Variants in MBD5 observed in about 807,000 individuals in gnomAD.
MBD5 encodes the protein methyl-CpG binding domain protein 5, also known as methyl-CpG-binding domain protein 5.
A neutral mutation model predicts 117.3 loss-of-function variants in MBD5; 13 were observed. The observed-to-expected ratio is 0.11, with a 90% confidence interval of 0.07 to 0.18. MBD5 has a LOEUF of 0.18. MBD5 is among the 10% of genes least tolerant of loss of function. The probability of loss-of-function intolerance (pLI) is 1.00; values close to 1 mark genes in which losing one functional copy is unlikely to be tolerated. For synonymous variants in MBD5, 727 were observed against 766.4 expected (o/e 0.95, Z 0.85); for missense variants, 1,879 against 2,093.8 (o/e 0.90, Z 2.00).
chr2:148,459,919 G>A (rs190943918), intron 5 of MBD5, among the ~76,000 whole-genome samples: 1 of 152,186 alleles, frequency 6.6e-6, no homozygotes, highest in African/African-American at 2.4e-5. Context: ...TAATATTAAA[G>A]ATGTGATCCA....
intron 1 of MBD5, among the ~76,000 whole-genome samples, chr2:148,107,134 C>G (rs1696391999): frequency 6.6e-6 from 1 of 152,044 alleles, no homozygotes; most frequent in African/African-American, 2.4e-5. Flanking sequence ...TCCAAATGAC[C>G]TTATTTCACT....
chr2:148,071,699 T>C (rs1260053187), intron 1 of MBD5: 1 of 152,218 alleles, frequency 6.6e-6, no homozygotes, highest in African/African-American at 2.4e-5. Context: ...TCTTAAGTTT[T>C]CTCCGGCTTC....
intron 1 of MBD5, among the ~76,000 whole-genome samples, chr2:148,151,900 A>T (rs1697682942): frequency 3.9e-5 from 6 of 151,950 alleles, no homozygotes; most frequent in Admixed American, 3.9e-4. Context: ...CAGCTCCTGG[A>T]TTCATTAATT....
intron 2 of MBD5, among the ~76,000 whole-genome samples, chr2:148,194,662 A>T (rs1413830794): frequency 1.6e-5 from 2 of 124,342 alleles, no homozygotes; most frequent in African/African-American, 5.5e-5. Context: ...CTAATGCTAG[A>T]TGACACGTTA....
rs1261912121 is a variant in MBD5, at chr2:148,031,169, TA to T, written c.-925+9486del. ...AAATACAGATAGTATAATCATGTAA[TA>T]TTTTTGTAATGTTTTCTATAATCAG... On this transcript the variant is annotated intron_variant, in intron 1 of 13. Coordinates refer to ENST00000642680, the MANE Select transcript of MBD5 (RefSeq NM_001378120.1). 3.3e-5 allele frequency among the ~76,000 whole-genome samples: 5 copies of T among 152,332 alleles called. No individual in the cohort carries two copies. In the East Asian group the frequency reaches 9.6e-4, roughly 29 times the overall value.
At chr2:148,487,049 G>A (rs1329928003) in intron 10 of MBD5, among the ~76,000 whole-genome samples, 1 of 152,156 alleles carries the variant, frequency 6.6e-6, no homozygotes, top group Non-Finnish European at 1.5e-5. Context: ...CATCAGTAGG[G>A]AAATAGTTAA....
chr2:148,240,040 G>A (rs1046842908), intron 3 of MBD5, among the ~76,000 whole-genome samples: 1 of 152,126 alleles, frequency 6.6e-6, no homozygotes, highest in Admixed American at 6.5e-5. Flanking sequence ...TGATAGACTG[G>A]ATTAAGAAAA....
chr2:148,401,655 C>T (rs1660811592), intron 4 of MBD5, among the ~76,000 whole-genome samples: 1 of 152,068 alleles, frequency 6.6e-6, no homozygotes, highest in South Asian at 2.1e-4. Context: ...CCTATATACC[C>T]TTTAAACCCT....
chr2:148,413,592 A>G (rs1325270406), intron 4 of MBD5, among the ~76,000 whole-genome samples: 1 of 150,276 alleles, frequency 6.7e-6, no homozygotes, highest in East Asian at 2.0e-4. Context: ...CTGTTAATCC[A>G]TCTGGTCCTG....
intron 3 of MBD5, chr2:148,264,944 C>G (rs1304471313): frequency 6.6e-6 from 1 of 152,046 alleles, no homozygotes; most frequent in Non-Finnish European, 1.5e-5. Flanking sequence ...GATCAATAAT[C>G]AAATAACTAG....
intron 4 of MBD5, among the ~76,000 whole-genome samples, chr2:148,370,111 G>A (rs1444029087): frequency 6.6e-6 from 1 of 152,006 alleles, no homozygotes; most frequent in Non-Finnish European, 1.5e-5. Flanking sequence ...ATTAAATTGA[G>A]AAACATGTTT....
chr2:148,461,652 T>G lies in MBD5; in HGVS notation c.114-930T>G, dbSNP rs192441248. Among the ~76,000 whole-genome samples, 3 of 152,308 alleles carry G rather than the reference T, an allele frequency of 2.0e-5. No individual in the cohort carries two copies. In the East Asian group the frequency reaches 5.8e-4, roughly 29 times the overall value. ...ATTCTCAAGTGAAAAGTATATAATT[T>G]CAAAGCATAATATGTATTTAAGTTC... On this transcript the variant is annotated intron_variant, in intron 5 of 13. Transcript: ENST00000642680.
intron 1 of MBD5, among the ~76,000 whole-genome samples, chr2:148,033,843 A>G (rs1694111515): frequency 6.6e-6 from 1 of 152,202 alleles, no homozygotes. Context: ...TAAAAATAAG[A>G]ACTATAGAAT....
intron 4 of MBD5, among the ~76,000 whole-genome samples, chr2:148,440,397 GATA>G (rs747863696): frequency 1.1e-4 from 17 of 152,238 alleles, no homozygotes; most frequent in Middle Eastern, 3.4e-3. Flanking sequence ...AGGCACTGGT[GATA>G]TCCCCTGAAT....
intron 2 of MBD5, among the ~76,000 whole-genome samples, chr2:148,182,271 G>A (rs910203778): frequency 6.6e-6 from 1 of 151,988 alleles, no homozygotes; most frequent in Non-Finnish European, 1.5e-5. Flanking sequence ...TTTTTATTAT[G>A]TGTATGTTAA....
At chr2:148,196,849 T>C (rs1214523459) in intron 2 of MBD5, among the ~76,000 whole-genome samples, 1 of 145,794 alleles carries the variant, frequency 6.9e-6, no homozygotes, top group Non-Finnish European at 1.5e-5. Flanking sequence ...CCATTTGCAC[T>C]GGTGTGTGTG....
intron 2 of MBD5, among the ~76,000 whole-genome samples, chr2:148,199,141 C>G (rs1263917980): frequency 1.3e-5 from 2 of 152,154 alleles, no homozygotes; most frequent in Non-Finnish European, 2.9e-5. Context: ...ATCCTGCAGT[C>G]TTGAAGCAAA....
chr2:148,111,015 A>G (rs1056694794), intron 1 of MBD5, among the ~76,000 whole-genome samples: 8 of 151,936 alleles, frequency 5.3e-5, no homozygotes, highest in Non-Finnish European at 1.0e-4. Context: ...CTGTTCTCCA[A>G]ATTTAATCGG....
rs1682354260 is a variant in MBD5, at chr2:148,516,928, A to G, written c.*3987A>G. 6.6e-6 allele frequency: 1 copy of G among 152,228 alleles called. No individual in the cohort carries two copies. Among genetic ancestry groups the G allele is most frequent in the African/African-American group, 2.4e-5 (1 of 41,458 alleles). The allele number at this position is 152,228 out of a possible 1,614,324, so 9.4% of individuals were successfully genotyped here. A position where few individuals can be genotyped will look rare whatever the true frequency, so the allele number is the denominator to read the frequency against. ...ATATACAAATGTGTTTTGTAACATC[A>G]TGCCTTTATGGATTAAGTATAAATA... On this transcript the variant is annotated 3_prime_UTR_variant, in exon 14 of 14. Transcript: ENST00000642680.
Sources: allele counts gnomAD v4.1 joint callset (sites outside exome capture counted in the v4.1 genomes callset), GRCh38; gene constraint gnomAD v4.1.1; transcripts MANE v1.5; gene names NCBI Gene and HGNC (gene_info 2026-07-23, HGNC 2026-07-21).